The following ST6GAL1 variants were observed in gnomAD, a reference collection of about 807,000 sequenced individuals.
The protein encoded by ST6GAL1 is beta-galactoside alpha-2,6-sialyltransferase 1.
In ST6GAL1, 20 loss-of-function variants were observed where a neutral mutation model predicts 38.0. That is an observed-to-expected ratio of 0.53 (90% CI 0.37 to 0.77). The LOEUF (loss-of-function observed/expected upper bound fraction) is 0.77. Among genes scored for constraint, ST6GAL1 ranks in the 30% least tolerant of loss-of-function variants. ST6GAL1 has a pLI of 0.00. For synonymous variants in ST6GAL1, 196 were observed against 188.2 expected, an observed-to-expected ratio of 1.04 and a Z score of -0.34; for missense variants, 432 against 496.4, an observed-to-expected ratio of 0.87 and a Z score of 1.23.
At chr3:186,989,126 G>T (rs2108543953) in intron 2 of ST6GAL1, among the ~76,000 whole-genome samples, 1 of 152,308 alleles carries the variant, frequency 6.6e-6, no homozygotes, top group South Asian at 2.1e-4. Context: ...TCTTTTAAGA[G>T]TGAGGGGGGC....
At chr3:186,969,821 A>G (rs1715286144) in intron 2 of ST6GAL1, among the ~76,000 whole-genome samples, 1 of 152,228 alleles carries the variant, frequency 6.6e-6, no homozygotes, top group Non-Finnish European at 1.5e-5. Context: ...CCTCAGTAGA[A>G]GTTCGTATGT....
intron 1 of ST6GAL1, among the ~76,000 whole-genome samples, chr3:186,946,837 A>G (rs1229574081): frequency 6.6e-6 from 1 of 152,226 alleles, no homozygotes; most frequent in Non-Finnish European, 1.5e-5. Flanking sequence ...ACGGAGATAC[A>G]GATGGATGAA....
chr3:186,966,375 G>A (rs577284982), intron 2 of ST6GAL1, among the ~76,000 whole-genome samples: 1 of 152,282 alleles, frequency 6.6e-6, no homozygotes, highest in East Asian at 1.9e-4. Flanking sequence ...TCACGGATGT[G>A]GAAATTGGGT....
At chr3:187,046,107 C>G (rs1718285851) in intron 4 of ST6GAL1, among the ~76,000 whole-genome samples, 1 of 152,174 alleles carries the variant, frequency 6.6e-6, no homozygotes, top group African/African-American at 2.4e-5. Context: ...TATAATGTCT[C>G]CATTATTAGG....
At chr3:186,942,171 G>A (rs1714201686) in intron 1 of ST6GAL1, among the ~76,000 whole-genome samples, 1 of 152,122 alleles carries the variant, frequency 6.6e-6, no homozygotes, top group South Asian at 2.1e-4. Flanking sequence ...TAAAGGGGTG[G>A]GACAAGTTAT....
At chr3:186,946,757 T>C (rs1714384740) in intron 1 of ST6GAL1, among the ~76,000 whole-genome samples, 1 of 152,172 alleles carries the variant, frequency 6.6e-6, no homozygotes, top group Non-Finnish European at 1.5e-5. Flanking sequence ...TAGTCTTACT[T>C]AAATCAGACC....
chr3:187,064,645 G>C (rs1180376056), intron 5 of ST6GAL1: 1 of 456,202 alleles, frequency 2.2e-6, no homozygotes, highest in East Asian at 6.9e-5. Flanking sequence ...CTCACCTCCT[G>C]TAAGCAACAC....
chr3:186,995,822 T>A (rs988296322), intron 2 of ST6GAL1, among the ~76,000 whole-genome samples: 1 of 152,144 alleles, frequency 6.6e-6, no homozygotes, highest in Non-Finnish European at 1.5e-5. Context: ...CCAGCTTGGG[T>A]GACAGATTGA....
At chr3:186,999,208 T>G (rs1033016436) in intron 2 of ST6GAL1, among the ~76,000 whole-genome samples, 1 of 152,088 alleles carries the variant, frequency 6.6e-6, no homozygotes, top group Admixed American at 6.5e-5. Context: ...AGCCTCTGTC[T>G]AGGGCCGTGG....
chr3:186,985,201 G>T (rs1715870083), intron 2 of ST6GAL1, among the ~76,000 whole-genome samples: 2 of 152,148 alleles, frequency 1.3e-5, no homozygotes, highest in Admixed American at 1.3e-4. Context: ...GAGCCACTGA[G>T]CCTGGCCCTA....
At chr3:187,045,747 G>A (rs760890192) in intron 4 of ST6GAL1, among the ~76,000 whole-genome samples, 1 of 152,148 alleles carries the variant, frequency 6.6e-6, no homozygotes, top group South Asian at 2.1e-4. Context: ...ATAAAATTCG[G>A]TGTGATTATT....
chr3:186,957,539 A>G (rs1022684002), intron 1 of ST6GAL1, among the ~76,000 whole-genome samples: 1 of 152,206 alleles, frequency 6.6e-6, no homozygotes, highest in African/African-American at 2.4e-5. Flanking sequence ...AATAGAGACA[A>G]TGAAAGGGAA....
At chr3:187,005,073 GTCTT>G (rs1438369576) in intron 2 of ST6GAL1, among the ~76,000 whole-genome samples, 4 of 151,540 alleles carry the variant, frequency 2.6e-5, no homozygotes, top group Non-Finnish European at 5.9e-5. Context: ...TTTTTTTTAG[GTCTT>G]TCTTTTTTAA....
intron 1 of ST6GAL1, among the ~76,000 whole-genome samples, chr3:186,955,726 C>T (rs1714724889): frequency 6.6e-6 from 1 of 152,142 alleles, no homozygotes. Flanking sequence ...TGGTCTTGAT[C>T]TCTTGACCTT....
chr3:186,977,347 G>A (rs946558765), intron 2 of ST6GAL1, among the ~76,000 whole-genome samples: 15 of 152,198 alleles, frequency 9.9e-5, no homozygotes, highest in African/African-American at 1.4e-4. Flanking sequence ...TGATAAAGGC[G>A]AGCTATTTTG....
chr3:187,007,370 T>C (rs769992511), intron 2 of ST6GAL1, among the ~76,000 whole-genome samples: 1 of 151,852 alleles, frequency 6.6e-6, no homozygotes, highest in Non-Finnish European at 1.5e-5. Context: ...ACAGAAGAGG[T>C]TTTGAGAATC....
intron 2 of ST6GAL1, among the ~76,000 whole-genome samples, chr3:187,028,019 C>T (rs1020616676): frequency 6.6e-6 from 1 of 152,064 alleles, no homozygotes; most frequent in Non-Finnish European, 1.5e-5. Context: ...ATGTGGAGAT[C>T]GTGGAGGTCC....
At chr3:186,986,082 A>T (rs533883317) in intron 2 of ST6GAL1, among the ~76,000 whole-genome samples, 1 of 152,346 alleles carries the variant, frequency 6.6e-6, no homozygotes, top group East Asian at 1.9e-4. Context: ...TTATTTGAGG[A>T]ACCAGTAGAA....
At chr3:187,062,605 C>CACACACACACACACAA (rs1553835868) in intron 5 of ST6GAL1, among the ~76,000 whole-genome samples, 1 of 149,990 alleles carries the variant, frequency 6.7e-6, no homozygotes, top group African/African-American at 2.5e-5. Context: ...CACACACACA[C>CACACACACACACACAA]AAAATACTAT....
Sources: gnomAD v4.1 joint callset for allele counts (sites outside exome capture counted in the v4.1 genomes callset) on GRCh38, gnomAD v4.1.1 for gene constraint, MANE v1.5 for transcripts, NCBI Gene and HGNC (gene_info 2026-07-23, HGNC 2026-07-21) for gene names.